ATRNL1: variants seen among roughly 807,000 people sequenced by gnomAD.
ATRNL1 encodes the protein attractin like 1, also known as attractin-like protein 1.
Under a neutral mutation model 182.7 loss-of-function variants are expected in ATRNL1, and 95 were observed. That is an observed-to-expected ratio of 0.52 (90% CI 0.44 to 0.62). The LOEUF (loss-of-function observed/expected upper bound fraction) is 0.62. ATRNL1 is among the 20% of genes least tolerant of loss of function. The pLI is 0.00. For missense variants in ATRNL1, 1,471 were observed against 1,679.5 expected (o/e 0.88, Z 2.17); for synonymous variants, 576 against 568.3 (o/e 1.01, Z -0.19).
intron 13 of ATRNL1, 51 bp from the exon 14 acceptor site, chr10:115,281,303 AG>A (rs1392709065): frequency 1.1e-5 from 17 of 1,516,096 alleles, no homozygotes; most frequent in Non-Finnish European, 1.5e-5. Context: ...CTGAAGTTTA[AG>A]AATCATTGCT....
chr10:115,758,159 C>G (rs1341936411), intron 27 of ATRNL1, among the ~76,000 whole-genome samples: 2 of 152,036 alleles, frequency 1.3e-5, no homozygotes, highest in Non-Finnish European at 2.9e-5. Flanking sequence ...AAGCCTACTT[C>G]TGATAATTCA....
At chr10:115,457,223 C>A (rs75271122) in intron 21 of ATRNL1, among the ~76,000 whole-genome samples, 4,453 of 151,922 alleles carry the variant, frequency 0.029, 216 homozygotes, top group African/African-American at 0.1. Context: ...AGTGGGTAGC[C>A]CTCTGTGAGG....
intron 28 of ATRNL1, among the ~76,000 whole-genome samples, chr10:115,942,035 A>T (rs1474893628): frequency 3.9e-5 from 6 of 152,206 alleles, no homozygotes; most frequent in African/African-American, 1.4e-4. Context: ...TTAAAAGGTA[A>T]ATCTGTAAAT....
At chr10:115,939,268 G>C (rs769720443) in intron 28 of ATRNL1, among the ~76,000 whole-genome samples, 6 of 152,146 alleles carry the variant, frequency 3.9e-5, no homozygotes, top group Non-Finnish European at 8.8e-5. Context: ...TTTAGGGCTT[G>C]TCCTGCCCTA....
At chr10:115,571,404 A>G (rs1555003418) in intron 26 of ATRNL1, among the ~76,000 whole-genome samples, 1 of 152,160 alleles carries the variant, frequency 6.6e-6, no homozygotes, top group Non-Finnish European at 1.5e-5. Flanking sequence ...TTCCAACACT[A>G]TCTATTAATA....
chr10:115,268,501 A>G, intron 13 of ATRNL1, 57 bp downstream of exon 13: 3 of 1,198,324 alleles, frequency 2.5e-6, no homozygotes, highest in Non-Finnish European at 3.7e-6. Context: ...CTTTATGATC[A>G]TTAGCTTACC....
chr10:115,527,116 CTTTTT>C (rs35691625), intron 25 of ATRNL1, among the ~76,000 whole-genome samples: 1 of 118,680 alleles, frequency 8.4e-6, no homozygotes, highest in African/African-American at 3.4e-5. Context: ...CAGAGAGGCA[CTTTTT>C]TTTTTTTTTC....
At chr10:115,491,655 C>T (rs1849306455) in intron 24 of ATRNL1, among the ~76,000 whole-genome samples, 1 of 152,164 alleles carries the variant, frequency 6.6e-6, no homozygotes, top group Non-Finnish European at 1.5e-5. Context: ...GCGAGAATTT[C>T]AAGCCAGTGG....
intron 21 of ATRNL1, among the ~76,000 whole-genome samples, chr10:115,427,994 T>C (rs1845982038): frequency 6.6e-6 from 1 of 152,006 alleles, no homozygotes; most frequent in Non-Finnish European, 1.5e-5. Context: ...GTTTAACTTA[T>C]AGATGAATTT....
intron 1 of ATRNL1, among the ~76,000 whole-genome samples, chr10:115,107,008 C>T (rs1243770345): frequency 4.6e-5 from 7 of 152,178 alleles, no homozygotes; most frequent in African/African-American, 1.4e-4. Flanking sequence ...CAAAAGCATT[C>T]AAATCTCATC....
intron 27 of ATRNL1, among the ~76,000 whole-genome samples, chr10:115,821,481 A>C (rs1950296248): frequency 6.6e-6 from 1 of 152,114 alleles, no homozygotes; most frequent in Admixed American, 6.6e-5. Context: ...CAATTAAAAG[A>C]CACAGACTGG....
intron 22 of ATRNL1, among the ~76,000 whole-genome samples, chr10:115,465,844 C>T (rs968644947): frequency 6.6e-6 from 1 of 151,560 alleles, no homozygotes; most frequent in Non-Finnish European, 1.5e-5. Context: ...TTTACATGCT[C>T]TTTCAAGATG....
intron 9 of ATRNL1, among the ~76,000 whole-genome samples, chr10:115,227,319 G>T (rs769835368): frequency 1.2e-4 from 18 of 152,020 alleles, no homozygotes; most frequent in Non-Finnish European, 4.4e-5. Flanking sequence ...ATGCAAAAAT[G>T]GTCAACATCA....
intron 16 of ATRNL1, 88 bp from the exon 17 acceptor site, chr10:115,301,767 G>A: frequency 8.6e-7 from 1 of 1,157,236 alleles, no homozygotes. Flanking sequence ...ATTGAAACAT[G>A]CCCTGAACAG....
Position 115,286,199 on chromosome 10 carries a change from ATTT to A in ATRNL1, c.2234-11_2234-9del, listed in dbSNP as rs782066227. On this transcript the variant is annotated splice_polypyrimidine_tract_variant and intron_variant, in intron 14 of 28. Transcript: ENST00000355044. ...TTTTGGTAATCTAACAATAAGACAC[ATTT>A]TTTTTCTTACTAGCTCATCTTTGTG... 7.3e-7 allele frequency: 1 copy of A among 1,371,894 alleles called. No individual in the cohort carries two copies. Among genetic ancestry groups the A allele is most frequent in the Admixed American group, 2.0e-5 (1 of 49,918 alleles). The allele number at this position is 1,371,894 out of a possible 1,614,324, so 85.0% of individuals were successfully genotyped here.
At chr10:115,141,829 T>C (rs1160356861) in intron 5 of ATRNL1, among the ~76,000 whole-genome samples, 1 of 152,160 alleles carries the variant, frequency 6.6e-6, no homozygotes, top group Non-Finnish European at 1.5e-5. Context: ...GATCTGACTT[T>C]TTTGTGAGAG....
At chr10:115,360,147 A>C (rs1338966015) in intron 19 of ATRNL1, among the ~76,000 whole-genome samples, 1 of 151,714 alleles carries the variant, frequency 6.6e-6, no homozygotes, top group Non-Finnish European at 1.5e-5. Flanking sequence ...CCCAATACCC[A>C]AAAAGAAAAA....
At chr10:115,388,804 G>T (rs1441965278) in intron 19 of ATRNL1, among the ~76,000 whole-genome samples, 1 of 151,392 alleles carries the variant, frequency 6.6e-6, no homozygotes, top group Admixed American at 6.6e-5. Flanking sequence ...TTTATGTTTT[G>T]AATTTTATTT....
intron 13 of ATRNL1, among the ~76,000 whole-genome samples, chr10:115,278,684 T>G (rs552609074): frequency 2.0e-5 from 3 of 152,284 alleles, no homozygotes; most frequent in South Asian, 4.1e-4. Flanking sequence ...TAATTTAATC[T>G]CCCCTTTTGG....
Sources: allele counts gnomAD v4.1 joint callset (sites outside exome capture counted in the v4.1 genomes callset), GRCh38; gene constraint gnomAD v4.1.1; transcripts MANE v1.5; gene names NCBI Gene and HGNC (gene_info 2026-07-23, HGNC 2026-07-21).